The following SFMBT2 variants were observed in gnomAD, a reference collection of about 807,000 sequenced individuals.
The protein encoded by SFMBT2 is scm-like with four MBT domains protein 2.
Under a neutral mutation model 110.1 loss-of-function variants are expected in SFMBT2, and 38 were observed. The ratio of observed to expected loss-of-function variants is 0.35; its 90% CI spans 0.27 to 0.45. The LOEUF (loss-of-function observed/expected upper bound fraction) is 0.45, where lower values mean the gene tolerates loss of function less well. Ranked by LOEUF, SFMBT2 falls within the 20% of genes least tolerant of loss-of-function variation. The pLI, the probability that SFMBT2 is intolerant of heterozygous loss-of-function variation, is 1.00. For missense variants in SFMBT2, 1,011 were observed against 1,094.9 expected, an observed-to-expected ratio of 0.92 and a Z score of 1.08; for synonymous variants, 425 against 425.4, an observed-to-expected ratio of 1.00 and a Z score of 0.01.
intron 16 of SFMBT2, 180 bp from the exon 17 acceptor site, chr10:7,176,345 G>T: frequency 5.3e-6 from 3 of 569,642 alleles, no homozygotes; most frequent in Non-Finnish European, 6.7e-6. Context: ...GCTCACTAGT[G>T]TGCAACAAAT....
chr10:7,215,005 G>C (rs1431974544), intron 11 of SFMBT2, among the ~76,000 whole-genome samples: 1 of 152,234 alleles, frequency 6.6e-6, no homozygotes, highest in Non-Finnish European at 1.5e-5. Context: ...AGGCATTTCT[G>C]CCTCAACTAA....
At chr10:7,399,546 T>A (rs1023821804) in intron 1 of SFMBT2, among the ~76,000 whole-genome samples, 1 of 152,234 alleles carries the variant, frequency 6.6e-6, no homozygotes, top group Non-Finnish European at 1.5e-5. Context: ...CACCAAATTT[T>A]ATAAATTATA....
chr10:7,306,313 T>C (rs534027637), intron 4 of SFMBT2, among the ~76,000 whole-genome samples: 1 of 152,268 alleles, frequency 6.6e-6, no homozygotes, highest in South Asian at 2.1e-4. Flanking sequence ...AAGAGTGTTT[T>C]TCACATTTTT....
chr10:7,282,743 T>C (rs192524288), intron 6 of SFMBT2, among the ~76,000 whole-genome samples: 5 of 152,252 alleles, frequency 3.3e-5, no homozygotes, highest in Admixed American at 3.3e-4. Context: ...AAAAGATAAA[T>C]ATAACTCCTC....
At chr10:7,237,639 T>TA (rs1840298406) in intron 9 of SFMBT2, among the ~76,000 whole-genome samples, 1 of 152,070 alleles carries the variant, frequency 6.6e-6, no homozygotes, top group Non-Finnish European at 1.5e-5. Flanking sequence ...AACAAATACC[T>TA]ACCAAGTGCC....
chr10:7,279,194 G>T (rs748310136), intron 6 of SFMBT2, among the ~76,000 whole-genome samples: 17 of 150,638 alleles, frequency 1.1e-4, no homozygotes, highest in Non-Finnish European at 1.9e-4. Flanking sequence ...AGGATGCTCT[G>T]GCCCCAGTGG....
At chr10:7,393,164 G>A (rs1845828986) in intron 1 of SFMBT2, among the ~76,000 whole-genome samples, 1 of 151,336 alleles carries the variant, frequency 6.6e-6, no homozygotes, top group South Asian at 2.1e-4. Context: ...CCGAGTAGCT[G>A]GGATTACACG....
At chr10:7,284,247 A>G in intron 5 of SFMBT2, 97 bp from the exon 6 acceptor site, 2 of 1,534,414 alleles carry the variant, frequency 1.3e-6, no homozygotes, top group South Asian at 2.6e-5. Flanking sequence ...TCACACCATC[A>G]TCCAAGGTAC....
intron 20 of SFMBT2, among the ~76,000 whole-genome samples, chr10:7,169,312 T>C (rs1837798853): frequency 6.6e-6 from 1 of 152,212 alleles, no homozygotes; most frequent in Admixed American, 6.5e-5. Context: ...CAGAAGGTTC[T>C]AGTGGTTGTC....
intron 16 of SFMBT2, among the ~76,000 whole-genome samples, chr10:7,178,023 GC>G (rs1390784949): frequency 6.6e-6 from 1 of 152,178 alleles, no homozygotes; most frequent in African/African-American, 2.4e-5. Context: ...TGGACTTTAG[GC>G]CTCCAGAGCA....
At chr10:7,268,199 A>G (rs1343764376) in intron 7 of SFMBT2, among the ~76,000 whole-genome samples, 2 of 152,152 alleles carry the variant, frequency 1.3e-5, no homozygotes, top group Non-Finnish European at 2.9e-5. Flanking sequence ...TAGTTTTAAA[A>G]CTTACCAAGC....
At chr10:7,248,336 A>C (rs1054922053) in intron 8 of SFMBT2, among the ~76,000 whole-genome samples, 1 of 152,260 alleles carries the variant, frequency 6.6e-6, no homozygotes, top group African/African-American at 2.4e-5. Flanking sequence ...ATCCATGATA[A>C]GAGGGGGCAT....
chr10:7,283,843 C>G, intron 6 of SFMBT2, 61 bp downstream of exon 6: 1 of 1,123,766 alleles, frequency 8.9e-7, no homozygotes, highest in Non-Finnish European at 1.3e-6. Context: ...AGAAACACAT[C>G]CAGGAAAATA....
At chr10:7,252,076 C>T (rs1840829429) in intron 7 of SFMBT2, among the ~76,000 whole-genome samples, 1 of 152,218 alleles carries the variant, frequency 6.6e-6, no homozygotes, top group South Asian at 2.1e-4. Flanking sequence ...CAGGGTTTAC[C>T]CATAACCCTA....
At chr10:7,217,759 G>C (rs1327602298) in intron 11 of SFMBT2, among the ~76,000 whole-genome samples, 6 of 152,172 alleles carry the variant, frequency 3.9e-5, no homozygotes, top group Non-Finnish European at 8.8e-5. Context: ...AAAGTAACTT[G>C]TATTATATGA....
intron 20 of SFMBT2, 151 bp from the exon 21 acceptor site, chr10:7,164,061 G>C: frequency 7.3e-7 from 1 of 1,377,148 alleles, no homozygotes; most frequent in Middle Eastern, 2.7e-4. Flanking sequence ...ATACCAGCCC[G>C]GCTTGATGAC....
intron 1 of SFMBT2, among the ~76,000 whole-genome samples, chr10:7,402,227 T>C (rs1230732192): frequency 2.0e-5 from 3 of 152,178 alleles, no homozygotes; most frequent in East Asian, 1.9e-4. Flanking sequence ...AGTGTGTACC[T>C]TGTAAAAGAA....
intron 15 of SFMBT2, among the ~76,000 whole-genome samples, chr10:7,191,231 C>A (rs1329229391): frequency 6.6e-6 from 1 of 152,216 alleles, no homozygotes; most frequent in Non-Finnish European, 1.5e-5. Context: ...CTCAACAGCG[C>A]CTTTTCCTCT....
At chr10:7,387,564 G>C (rs774453033) in intron 1 of SFMBT2, among the ~76,000 whole-genome samples, 1 of 151,980 alleles carries the variant, frequency 6.6e-6, no homozygotes, top group African/African-American at 2.4e-5. Context: ...GGTGGGCCGG[G>C]GGGTGCATCA....
Sources: allele counts gnomAD v4.1 joint callset (sites outside exome capture counted in the v4.1 genomes callset), GRCh38; gene constraint gnomAD v4.1.1; transcripts MANE v1.5; gene names NCBI Gene and HGNC (gene_info 2026-07-23, HGNC 2026-07-21).